POLR2M: variants seen among roughly 807,000 people sequenced by gnomAD.
POLR2M encodes the protein RNA polymerase II subunit M.
A neutral mutation model predicts 34.6 loss-of-function variants in POLR2M; 30 were observed. The observed-to-expected ratio is 0.87, with a 90% CI of 0.65 to 1.18. The LOEUF (loss-of-function observed/expected upper bound fraction) is 1.18, where lower values mean the gene tolerates loss of function less well. POLR2M is among the 50% of genes most tolerant of loss of function. The pLI, the probability that POLR2M is intolerant of heterozygous loss-of-function variation, is 0.00. For missense variants in POLR2M, 432 were observed against 448.7 expected (o/e 0.96, Z 0.34); for synonymous variants, 150 against 166.7 (o/e 0.90, Z 0.77).
rs1281617984 is a variant in POLR2M at position 57,709,343 on chromosome 15, A to C, written c.743A>C (p.Lys248Thr). The change falls in exon 2 of 4, where the codon AAA (lysine) becomes ACA (threonine). Residue 248 changes from lysine to threonine, a missense_variant. Coordinates refer to ENST00000299638, the MANE Select transcript of POLR2M (RefSeq NM_015532.5). Reference protein sequence around the residue: ...RAKNPVPQLRKFKTNVLPFRQ... With the variant: ...RAKNPVPQLRTFKTNVLPFRQ... The stretch of plus-strand genomic sequence containing the variant: ...AAAAACCCAGTGCCCCAGCTGCGTA[A>C]ATTTAAAACCAATGTGTAAGTACCC... 6.2e-7 allele frequency: 1 copy of C among 1,612,770 alleles called. No homozygotes were observed. Among genetic ancestry groups the C allele is most frequent in the Non-Finnish European group, 8.5e-7 (1 of 1,179,438 alleles).
In POLR2M at chr15:57,706,754, G is replaced by A; in HGVS notation, c.-89G>A. ...TGGCGACTCCCGCTCGTGCCCCGGA[G>A]TCACCGCCGTCCGCGGATCCGGCGC... On this transcript the variant is annotated 5_prime_UTR_variant, in exon 1 of 4. Coordinates refer to ENST00000299638, the MANE Select transcript of POLR2M (RefSeq NM_015532.5). 6.9e-7 allele frequency: 1 copy of A among 1,450,364 alleles called. No homozygotes were observed. Among genetic ancestry groups the A allele is most frequent in the Non-Finnish European group, 9.3e-7 (1 of 1,071,410 alleles). The allele number at this position is 1,450,364 out of a possible 1,614,324, so 89.8% of individuals were successfully genotyped here. A position where few individuals can be genotyped will look rare whatever the true frequency, so the allele number is the denominator to read the frequency against.
intron 1 of POLR2M, chr15:57,707,694 G>C: frequency 2.7e-6 from 1 of 367,476 alleles, no homozygotes; most frequent in South Asian, 2.1e-5. Context: ...GAAAATTCAG[G>C]GAGAGGAATA....
chr15:57,708,261 G>A (rs552773082), intron 1 of POLR2M, among the ~76,000 whole-genome samples: 1 of 152,278 alleles, frequency 6.6e-6, no homozygotes, highest in South Asian at 2.1e-4. Context: ...GTCATCACAT[G>A]CCATGTAGCC....
chr15:57,711,818 A>G (rs1356711954), intron 2 of POLR2M, among the ~76,000 whole-genome samples, 166 bp from the exon 3 acceptor site: 1 of 152,144 alleles, frequency 6.6e-6, no homozygotes, highest in Non-Finnish European at 1.5e-5. Context: ...GCCTGTATGC[A>G]CACAAACACA....
chr15:57,706,733 G>A lies in POLR2M; in HGVS notation c.-110G>A, dbSNP rs1425622052. ...GACCCCGTTCTTCCGGGAAAATGGC[G>A]ACTCCCGCTCGTGCCCCGGAGTCAC... is the stretch of plus-strand genomic sequence containing the variant. On this transcript the variant is annotated 5_prime_UTR_variant, in exon 1 of 4. Coordinates refer to ENST00000299638, the MANE Select transcript of POLR2M (RefSeq NM_015532.5). 2 of 1,250,570 alleles carry A rather than the reference G, an allele frequency of 1.6e-6. No individual in the cohort carries two copies. The highest frequency in any genetic ancestry group is 1.5e-5 in the South Asian group (1 of 67,322). The allele number at this position is 1,250,570 out of a possible 1,614,324, so 77.5% of individuals were successfully genotyped here.
chr15:57,706,735 C>T lies in POLR2M; in HGVS notation c.-108C>T. ...CCCCGTTCTTCCGGGAAAATGGCGA[C>T]TCCCGCTCGTGCCCCGGAGTCACCG... On this transcript the variant is annotated 5_prime_UTR_variant, in exon 1 of 4. Transcript: ENST00000299638. The T allele has an allele frequency of 3.1e-6, 4 of 1,282,738 alleles. No homozygotes were observed. In the South Asian group the frequency reaches 4.4e-5, roughly 14 times the overall value. The allele number at this position is 1,282,738 out of a possible 1,614,324, so 79.5% of individuals were successfully genotyped here.
chr15:57,713,962 G>A lies in POLR2M; in HGVS notation c.964-574G>A, dbSNP rs1428125238. ...GTTCACGCCATTCTTGTTCATTCTT[G>A]TGAACCCGGGAACACGCCGGGTTCA... On this transcript the variant is annotated intron_variant, in intron 3 of 3. Coordinates refer to ENST00000299638, the MANE Select transcript of POLR2M (RefSeq NM_015532.5). 2.0e-5 allele frequency among the ~76,000 whole-genome samples: 3 copies of A among 146,854 alleles called. No individual in the cohort carries two copies. The South Asian group carries it at 6.6e-4, about 32-fold the overall frequency.
chr15:57,713,503 G>A (rs1389097098), intron 3 of POLR2M, among the ~76,000 whole-genome samples: 4 of 152,058 alleles, frequency 2.6e-5, no homozygotes, highest in Non-Finnish European at 4.4e-5. Context: ...GGCTTGAAGA[G>A]GAGGACATCA....
Position 57,714,396 on chromosome 15 carries a change from A to G in POLR2M, c.964-140A>G, listed in dbSNP as rs75446284. The G allele has an allele frequency of 2.4e-3, 3,330 of 1,409,854 alleles. 66 individuals are homozygous for G. The African/African-American group carries it at 0.043, about 18-fold the overall frequency. 87.3% of individuals were successfully genotyped at this position (1,409,854 alleles called of 1,614,324 possible). On this transcript the variant is annotated intron_variant, in intron 3 of 3. Transcript: ENST00000299638. ...CAGTTGTGTCTGATAGGGCACAGCC[A>G]TCAGGCTTGTATTGCCCAAGGGAGC...
rs1254739666 is a variant in POLR2M at position 57,709,145 on chromosome 15, A to T, written c.545A>T (p.Glu182Val). The T allele has an allele frequency of 6.2e-7, 1 of 1,614,230 alleles. No individual in the cohort carries two copies. The highest frequency in any genetic ancestry group is 1.7e-5 in the Admixed American group (1 of 60,030). ...HPRHRVSSQA[E>V]DTSSSFDNLF... is the part of the protein sequence containing the mutation. ...CGGCATCGTGTTTCAAGTCAAGCGGAAGATACTTCCAGCAGCTTTGACAAC... is the reference window on the plus strand; with the variant it reads ...CGGCATCGTGTTTCAAGTCAAGCGGTAGATACTTCCAGCAGCTTTGACAAC... The change falls in exon 2 of 4, where the codon GAA (glutamate) becomes GTA (valine). Residue 182 changes from glutamate (E) to valine (V), a missense_variant. Physicochemically the swap from Glu to Val is moderately radical, Grantham distance 121. Transcript: ENST00000299638.
At chr15:57,713,010 G>T (rs1267878695) in intron 3 of POLR2M, among the ~76,000 whole-genome samples, 4 of 152,082 alleles carry the variant, frequency 2.6e-5, no homozygotes, top group Non-Finnish European at 2.9e-5. Context: ...AGACCAGCGT[G>T]GGCAACATAG....
At chr15:57,708,161 C>T (rs1002022934) in intron 1 of POLR2M, among the ~76,000 whole-genome samples, 41 of 152,150 alleles carry the variant, frequency 2.7e-4, no homozygotes, top group African/African-American at 9.7e-4. Context: ...TGTGTTGTAT[C>T]TAGCGAAATG....
intron 2 of POLR2M, 76 bp from the exon 3 acceptor site, chr15:57,711,908 C>G: frequency 1.3e-6 from 2 of 1,530,208 alleles, no homozygotes; most frequent in Non-Finnish European, 1.8e-6. Context: ...AAGGTAAAGG[C>G]CATTTGTGTG....
intron 1 of POLR2M, 185 bp downstream of exon 1, chr15:57,707,140 A>G (rs1187831320): frequency 2.0e-6 from 3 of 1,533,354 alleles, no homozygotes; most frequent in African/African-American, 2.8e-5. Context: ...CTTCCTGGCC[A>G]GGCACGTATG....
intron 3 of POLR2M, 95 bp downstream of exon 3, chr15:57,712,283 G>A: frequency 7.0e-7 from 1 of 1,430,662 alleles, no homozygotes; most frequent in Non-Finnish European, 9.5e-7. Context: ...ATGGAATAGA[G>A]GGGATTAGGT....
At chr15:57,707,024 C>T (rs974493501) in intron 1 of POLR2M, 69 bp downstream of exon 1, 3 of 1,551,742 alleles carry the variant, frequency 1.9e-6, no homozygotes, top group Admixed American at 2.0e-5. Flanking sequence ...CTCCCCTCCC[C>T]TCCCGCACTC....
chr15:57,714,452 G>A (rs2040862846), intron 3 of POLR2M, 84 bp from the exon 4 acceptor site: 4 of 1,577,296 alleles, frequency 2.5e-6, no homozygotes, highest in East Asian at 4.5e-5. Flanking sequence ...CCCTCTTATT[G>A]CTGATTCTAG....
intron 1 of POLR2M, 103 bp downstream of exon 1, chr15:57,707,058 T>G (rs2040516814): frequency 6.4e-7 from 1 of 1,551,566 alleles, no homozygotes; most frequent in African/African-American, 1.4e-5. Context: ...GGAAGGTGAC[T>G]TTGACTCAGT....
At chr15:57,710,856 A>C (rs1567267844) in intron 2 of POLR2M, among the ~76,000 whole-genome samples, 1 of 152,084 alleles carries the variant, frequency 6.6e-6, no homozygotes, top group Admixed American at 6.6e-5. Context: ...TCCGTGTGAG[A>C]GGTGGCTTGG....
Sources: gnomAD v4.1 joint callset for allele counts (sites outside exome capture counted in the v4.1 genomes callset) on GRCh38, gnomAD v4.1.1 for gene constraint, MANE v1.5 for transcripts, NCBI Gene and HGNC (gene_info 2026-07-23, HGNC 2026-07-21) for gene names.